Variants in PDE8B observed in about 807,000 individuals in gnomAD.
The protein encoded by PDE8B is phosphodiesterase 8B, also known as high affinity cAMP-specific and IBMX-insensitive 3',5'-cyclic phosphodiesterase 8B.
PDE8B carries 26 observed loss-of-function variants against 101.3 expected under a neutral mutation model. That is an observed-to-expected ratio of 0.26 (90% CI 0.19 to 0.36). The LOEUF (loss-of-function observed/expected upper bound fraction) is 0.36, where lower values mean the gene tolerates loss of function less well. Among genes scored for constraint, PDE8B ranks in the 10% least tolerant of loss-of-function variants. PDE8B has a pLI of 1.00. For missense variants in PDE8B, 810 were observed against 1,163.1 expected, an observed-to-expected ratio of 0.70 and a Z score of 4.42; for synonymous variants, 424 against 429.3, an observed-to-expected ratio of 0.99 and a Z score of 0.15.
rs114520022 is a variant in PDE8B, at chr5:77,243,892, G to A, written c.339+32628G>A. 6.4e-3 allele frequency among the ~76,000 whole-genome samples: 977 copies of A among 152,282 alleles called. 13 individuals are homozygous for A. The highest frequency in any genetic ancestry group is 0.022 in the African/African-American group (933 of 41,564). The stretch of plus-strand genomic sequence containing the variant: ...CAGAGTGAAGTCAGGGTTGTATAGT[G>A]ACTCCTTAAGTCATTGCCAAAATGT... On this transcript the variant is annotated intron_variant, in intron 1 of 21. Transcript: ENST00000264917.
At chr5:77,246,245 A>G (rs991642273) in intron 1 of PDE8B, among the ~76,000 whole-genome samples, 1 of 152,128 alleles carries the variant, frequency 6.6e-6, no homozygotes, top group Non-Finnish European at 1.5e-5. Context: ...TCATGCTATT[A>G]TTTGACTTCA....
intron 10 of PDE8B, among the ~76,000 whole-genome samples, chr5:77,362,333 GA>G (rs1172240430): frequency 1.3e-5 from 2 of 152,092 alleles, no homozygotes; most frequent in African/African-American, 4.8e-5. Context: ...CTATGTTTAA[GA>G]AATAATAAGA....
intron 1 of PDE8B, among the ~76,000 whole-genome samples, chr5:77,214,522 A>G (rs56937283): frequency 0.033 from 5,003 of 152,264 alleles, 306 homozygotes; most frequent in African/African-American, 0.11. Context: ...CTCCTGTAAA[A>G]TGGTGTGCCT....
At chr5:77,414,756 A>T (rs1795202291) in intron 17 of PDE8B, among the ~76,000 whole-genome samples, 1 of 152,002 alleles carries the variant, frequency 6.6e-6, no homozygotes, top group South Asian at 2.1e-4. Context: ...ATACCACATG[A>T]TGTTTCACAG....
At chr5:77,387,774 C>T (rs1459589650) in intron 10 of PDE8B, among the ~76,000 whole-genome samples, 1 of 152,096 alleles carries the variant, frequency 6.6e-6, no homozygotes, top group Non-Finnish European at 1.5e-5. Flanking sequence ...TTGTTCATTC[C>T]TTTTCATTCT....
chr5:77,139,626 C>G, the PDE8B span: 25 of 152,312 alleles, frequency 1.6e-4, no homozygotes, highest in African/African-American at 5.8e-4. Context: ...CTTTTGTGAT[C>G]TTAAACTTTC....
At chr5:77,302,062 G>A (rs35689253) in intron 1 of PDE8B, among the ~76,000 whole-genome samples, 89,933 of 151,930 alleles carry the variant, frequency 0.59, 27,569 homozygotes, top group East Asian at 0.88. Context: ...TCTCATGACT[G>A]TAGATGACAT....
At chr5:77,328,125 T>A (rs1173926463) in intron 3 of PDE8B, among the ~76,000 whole-genome samples, 3 of 152,146 alleles carry the variant, frequency 2.0e-5, no homozygotes, top group Non-Finnish European at 4.4e-5. Context: ...TTCCAAGATA[T>A]CTCAGAATAA....
chr5:77,340,200 A>G (rs939547379), intron 6 of PDE8B, among the ~76,000 whole-genome samples: 1 of 152,236 alleles, frequency 6.6e-6, no homozygotes, highest in Non-Finnish European at 1.5e-5. Flanking sequence ...CATCCAAGTC[A>G]TTATGTTTAT....
intron 1 of PDE8B, among the ~76,000 whole-genome samples, chr5:77,282,792 A>G (rs980748237): frequency 1.3e-5 from 2 of 152,090 alleles, no homozygotes; most frequent in Non-Finnish European, 2.9e-5. Context: ...CTGAGGCAAT[A>G]GTCAGACATG....
At chr5:77,424,974 G>A (rs925452742) in intron 20 of PDE8B, among the ~76,000 whole-genome samples, 4 of 152,174 alleles carry the variant, frequency 2.6e-5, no homozygotes, top group African/African-American at 9.7e-5. Context: ...ACAGGCATGA[G>A]CCATTGGGCT....
At position 77,362,089 on chromosome 5, in the gene PDE8B, G is replaced by A. The variant is rs115588913; in HGVS notation, c.1167+8683G>A. 2.6e-3 allele frequency among the ~76,000 whole-genome samples: 403 copies of A among 152,242 alleles called. 1 individual carries two copies. The highest frequency in any genetic ancestry group is 9.1e-3 in the African/African-American group (380 of 41,544). ...CAGATAGTAAACATTAGGCCTTATG[G>A]TCTCTGTCAAACTGCTTAACTCAAC... On this transcript the variant is annotated intron_variant, in intron 10 of 21. Transcript: ENST00000264917.
the PDE8B span, among the ~76,000 whole-genome samples, chr5:77,177,101 C>A: frequency 6.6e-6 from 1 of 151,552 alleles, no homozygotes; most frequent in Non-Finnish European, 1.5e-5. Flanking sequence ...AAATCTTCTA[C>A]CACTCCACAG....
chr5:77,372,398 T>G (rs1253412587), intron 10 of PDE8B, among the ~76,000 whole-genome samples: 1 of 152,210 alleles, frequency 6.6e-6, no homozygotes, highest in African/African-American at 2.4e-5. Context: ...GGATAATGTC[T>G]TCATCAGGGT....
chr5:77,208,983 C>T (rs144431311), upstream of PDE8B, among the ~76,000 whole-genome samples: 2 of 152,244 alleles, frequency 1.3e-5, no homozygotes, highest in East Asian at 3.9e-4. Context: ...CCCTCCATTC[C>T]CTCCCTTTAT....
At chr5:77,191,855 A>G in the PDE8B span, among the ~76,000 whole-genome samples, 1 of 152,194 alleles carries the variant, frequency 6.6e-6, no homozygotes, top group Non-Finnish European at 1.5e-5. Flanking sequence ...ATAATGTAGA[A>G]TCAGTGGGAG....
chr5:77,167,828 C>T, the PDE8B span, among the ~76,000 whole-genome samples: 33 of 152,286 alleles, frequency 2.2e-4, no homozygotes, highest in African/African-American at 7.5e-4. Flanking sequence ...GAGGCCCACC[C>T]TGCGGGACCG....
chr5:77,207,134 AT>A (rs1747570802), upstream of PDE8B, among the ~76,000 whole-genome samples: 1 of 152,270 alleles, frequency 6.6e-6, no homozygotes, highest in Non-Finnish European at 1.5e-5. Flanking sequence ...TAGCTCCACC[AT>A]TAGGAACACA....
chr5:77,171,159 C>T, the PDE8B span, among the ~76,000 whole-genome samples: 1 of 152,096 alleles, frequency 6.6e-6, no homozygotes, highest in African/African-American at 2.4e-5. Flanking sequence ...TTTGCATAGG[C>T]CTTGTAGTGT....
Sources: allele counts gnomAD v4.1 joint callset (sites outside exome capture counted in the v4.1 genomes callset), GRCh38; gene constraint gnomAD v4.1.1; transcripts MANE v1.5; gene names NCBI Gene and HGNC (gene_info 2026-07-23, HGNC 2026-07-21).